The following DOCK3 variants were observed in gnomAD, a reference collection of about 807,000 sequenced individuals.
The protein encoded by DOCK3 is dedicator of cytokinesis protein 3.
In DOCK3, 60 loss-of-function variants were observed where a neutral mutation model predicts 265.6. The ratio of observed to expected loss-of-function variants is 0.23; its 90% CI spans 0.18 to 0.28. The LOEUF (loss-of-function observed/expected upper bound fraction) is 0.28. Among genes scored for constraint, DOCK3 ranks in the 10% least tolerant of loss-of-function variants. The pLI, the probability that DOCK3 is intolerant of heterozygous loss-of-function variation, is 1.00. For missense variants in DOCK3, 1,981 were observed against 2,594.3 expected (o/e 0.76, Z 5.14); for synonymous variants, 881 against 938.0 (o/e 0.94, Z 1.11).
intron 3 of DOCK3, among the ~76,000 whole-genome samples, chr3:50,845,229 AAACTT>A (rs1284248369): frequency 1.3e-5 from 2 of 152,212 alleles, no homozygotes; most frequent in Non-Finnish European, 1.5e-5. Context: ...CCAAACAAAA[AAACTT>A]AAGAGCATAC....
chr3:51,125,918 A>G (rs1423897310), intron 9 of DOCK3, among the ~76,000 whole-genome samples: 3 of 152,218 alleles, frequency 2.0e-5, no homozygotes, highest in African/African-American at 7.2e-5. Context: ...TATTACTAAG[A>G]CAGTGTTTTT....
At chr3:50,981,747 TA>T (rs2077698962) in intron 5 of DOCK3, among the ~76,000 whole-genome samples, 1 of 152,250 alleles carries the variant, frequency 6.6e-6, no homozygotes, top group South Asian at 2.1e-4. Flanking sequence ...GTTTGTTTGA[TA>T]TAATGTAAGT....
chr3:50,691,562 T>G (rs1184470739), intron 1 of DOCK3, among the ~76,000 whole-genome samples: 3 of 152,216 alleles, frequency 2.0e-5, no homozygotes, highest in Non-Finnish European at 2.9e-5. Context: ...CTGTTTTCTA[T>G]TTCTTTGGGT....
chr3:50,927,323 G>T (rs555044025), intron 4 of DOCK3, among the ~76,000 whole-genome samples: 113 of 152,262 alleles, frequency 7.4e-4, no homozygotes, highest in African/African-American at 2.6e-3. Context: ...CCGAAATACC[G>T]CTAGATAGAA....
chr3:51,198,269 C>T (rs1242785032), intron 12 of DOCK3, among the ~76,000 whole-genome samples: 1 of 152,230 alleles, frequency 6.6e-6, no homozygotes, highest in East Asian at 1.9e-4. Context: ...CCTTGCACAC[C>T]TGCAGAACTG....
intron 27 of DOCK3, among the ~76,000 whole-genome samples, chr3:51,287,712 A>G (rs966472301): frequency 2.0e-5 from 3 of 152,238 alleles, no homozygotes; most frequent in Admixed American, 6.5e-5. Context: ...TCCAGCCATT[A>G]TGGAAAGCAG....
At chr3:50,921,223 A>G (rs1170701708) in intron 4 of DOCK3, among the ~76,000 whole-genome samples, 1 of 152,138 alleles carries the variant, frequency 6.6e-6, no homozygotes, top group Non-Finnish European at 1.5e-5. Flanking sequence ...ACACAGTCCC[A>G]TATTTATTGG....
At chr3:50,854,103 G>C (rs2046465815) in intron 3 of DOCK3, among the ~76,000 whole-genome samples, 1 of 151,956 alleles carries the variant, frequency 6.6e-6, no homozygotes, top group African/African-American at 2.4e-5. Flanking sequence ...GGCTGCTTCT[G>C]TGTCTTCTTT....
intron 12 of DOCK3, among the ~76,000 whole-genome samples, chr3:51,173,019 T>C (rs1400345316): frequency 2.6e-5 from 4 of 152,258 alleles, no homozygotes; most frequent in African/African-American, 9.6e-5. Flanking sequence ...CTATTCTTAA[T>C]ATTTTTGTCT....
At chr3:51,356,331 C>T (rs1036915651) in intron 42 of DOCK3, 76 bp downstream of exon 42, 3 of 1,611,706 alleles carry the variant, frequency 1.9e-6, no homozygotes, top group African/African-American at 1.3e-5. Flanking sequence ...GAACTCACCA[C>T]TGTTTTATCC....
chr3:50,804,148 G>A (rs1052417938), intron 2 of DOCK3, among the ~76,000 whole-genome samples: 17 of 151,172 alleles, frequency 1.1e-4, no homozygotes, highest in Non-Finnish European at 8.9e-5. Context: ...GATGGGGGGC[G>A]GGGTAGAGGC....
intron 1 of DOCK3, among the ~76,000 whole-genome samples, chr3:50,748,945 C>T (rs983316177): frequency 6.6e-6 from 1 of 152,048 alleles, no homozygotes; most frequent in African/African-American, 2.4e-5. Flanking sequence ...TCTTATGTGT[C>T]GTAACAAATA....
intron 11 of DOCK3, 87 bp from the exon 12 acceptor site, chr3:51,160,468 G>A (rs2086071438): frequency 6.9e-7 from 1 of 1,443,096 alleles, no homozygotes; most frequent in Non-Finnish European, 9.2e-7. Flanking sequence ...GGTGCCTGTA[G>A]CTCAGGCATC....
At chr3:50,858,386 C>T (rs1293624688) in intron 3 of DOCK3, among the ~76,000 whole-genome samples, 3 of 151,188 alleles carry the variant, frequency 2.0e-5, no homozygotes, top group Non-Finnish European at 4.4e-5. Flanking sequence ...ATGTATCAAA[C>T]CTGCACGTTG....
At chr3:50,979,063 T>C (rs1241495854) in intron 5 of DOCK3, among the ~76,000 whole-genome samples, 2 of 152,112 alleles carry the variant, frequency 1.3e-5, no homozygotes, top group Non-Finnish European at 2.9e-5. Context: ...CCTAGTGAGA[T>C]GAACCCGGTA....
Position 51,374,812 on chromosome 3 carries a change from T to G in DOCK3, c.5412+225T>G, listed in dbSNP as rs1453534707. Among the ~76,000 whole-genome samples the G allele has an allele frequency of 2.0e-5, 3 of 152,156 alleles. No individual in the cohort carries two copies. Among genetic ancestry groups the G allele is most frequent in the African/African-American group, 7.2e-5 (3 of 41,412 alleles). ...GTAGAATGGTGGCAGGAACCACCAT[T>G]GGAACCAGCATTGCTCATGTAGCTA... is the stretch of plus-strand genomic sequence containing the variant. On this transcript the variant is annotated intron_variant, in intron 50 of 52. Coordinates refer to ENST00000266037, the MANE Select transcript of DOCK3 (RefSeq NM_004947.5). This position sits in a 1 kb window ranked among gnomAD's most constrained non-coding sequence, Gnocchi z 4.8.
At chr3:50,774,692 A>G (rs944910952) in intron 1 of DOCK3, among the ~76,000 whole-genome samples, 1 of 151,810 alleles carries the variant, frequency 6.6e-6, no homozygotes, top group South Asian at 2.1e-4. Context: ...TAATTGCCTT[A>G]TTTGCATCGA....
intron 27 of DOCK3, among the ~76,000 whole-genome samples, chr3:51,304,272 CTG>C (rs1162421664): frequency 2.0e-5 from 3 of 152,054 alleles, no homozygotes; most frequent in Non-Finnish European, 4.4e-5. Context: ...AAACTGAAGA[CTG>C]GAGCTACAGT....
At chr3:51,000,637 GTCTGACATTTTCT>G (rs2078445621) in intron 5 of DOCK3, among the ~76,000 whole-genome samples, 1 of 147,162 alleles carries the variant, frequency 6.8e-6, no homozygotes, top group East Asian at 2.1e-4. Context: ...CAAGCACTTA[GTCTGACATTTTCT>G]TTTTCTTTTT....
Sources: gnomAD v4.1 joint callset for allele counts (sites outside exome capture counted in the v4.1 genomes callset) on GRCh38, gnomAD v4.1.1 for gene constraint, Gnocchi (gnomAD v3.1) non-coding constraint, MANE v1.5 for transcripts, NCBI Gene and HGNC (gene_info 2026-07-23, HGNC 2026-07-21) for gene names.